The following COLGALT2 variants were observed in gnomAD, a reference collection of about 807,000 sequenced individuals.
The protein encoded by COLGALT2 is collagen beta(1-O)galactosyltransferase 2, also known as procollagen galactosyltransferase 2.
A neutral mutation model predicts 73.4 loss-of-function variants in COLGALT2; 49 were observed. That is an observed-to-expected ratio of 0.67 (90% CI 0.53 to 0.85). The LOEUF (loss-of-function observed/expected upper bound fraction) is 0.85, where lower values mean the gene tolerates loss of function less well. Among genes scored for constraint, COLGALT2 ranks in the 40% least tolerant of loss-of-function variants. The probability of loss-of-function intolerance (pLI) is 0.00; values close to 1 mark genes in which losing one functional copy is unlikely to be tolerated. For synonymous variants in COLGALT2, 295 were observed against 307.6 expected (o/e 0.96, Z 0.43); for missense variants, 722 against 790.2 (o/e 0.91, Z 1.03).
chr1:183,972,851 C>T (rs567527330), intron 4 of COLGALT2, among the ~76,000 whole-genome samples: 4 of 152,328 alleles, frequency 2.6e-5, no homozygotes, highest in South Asian at 4.1e-4. Context: ...AGGCGCCCAA[C>T]ACCACGCCTG....
chr1:183,966,237 T>C (rs543346860), intron 5 of COLGALT2, among the ~76,000 whole-genome samples: 1 of 152,246 alleles, frequency 6.6e-6, no homozygotes, highest in South Asian at 2.1e-4. Context: ...TTAGATAAAG[T>C]CTATGAAAGA....
At chr1:184,002,197 C>T (rs1176361193) in intron 1 of COLGALT2, among the ~76,000 whole-genome samples, 1 of 152,240 alleles carries the variant, frequency 6.6e-6, no homozygotes, top group African/African-American at 2.4e-5. Flanking sequence ...GCTTCTATCA[C>T]CAGCAGGATT....
intron 4 of COLGALT2, among the ~76,000 whole-genome samples, chr1:183,973,156 T>C (rs1406189893): frequency 6.6e-6 from 1 of 152,200 alleles, no homozygotes; most frequent in African/African-American, 2.4e-5. Flanking sequence ...GTTAAGTAAA[T>C]TGGAACATAG....
At chr1:183,951,285 T>A (rs1472521876) in intron 7 of COLGALT2, among the ~76,000 whole-genome samples, 172 bp from the exon 8 acceptor site, 6 of 152,238 alleles carry the variant, frequency 3.9e-5, no homozygotes, top group Non-Finnish European at 7.3e-5. Flanking sequence ...ATGATACTAA[T>A]TCAAACTGAA....
chr1:183,939,764 C>T (rs775181640), intron 11 of COLGALT2, among the ~76,000 whole-genome samples: 1 of 152,038 alleles, frequency 6.6e-6, no homozygotes, highest in Non-Finnish European at 1.5e-5. Flanking sequence ...CATCTAGTGA[C>T]GAGATCACCC....
At chr1:184,013,628 T>C (rs1413521852) in intron 1 of COLGALT2, among the ~76,000 whole-genome samples, 1 of 152,154 alleles carries the variant, frequency 6.6e-6, no homozygotes, top group Non-Finnish European at 1.5e-5. Context: ...TTGCATGCCA[T>C]TCCAAGGTAT....
chr1:184,001,616 A>G (rs1465879360), intron 1 of COLGALT2, among the ~76,000 whole-genome samples: 3 of 152,114 alleles, frequency 2.0e-5, no homozygotes, highest in Non-Finnish European at 2.9e-5. Flanking sequence ...TTAAAGCATC[A>G]TTTTCTTTCA....
intron 1 of COLGALT2, among the ~76,000 whole-genome samples, chr1:183,994,675 A>C (rs1332772588): frequency 6.6e-6 from 1 of 151,360 alleles, no homozygotes; most frequent in Non-Finnish European, 1.5e-5. Flanking sequence ...GGCTGGTCTC[A>C]AACTCCTGAC....
In COLGALT2 at chr1:183,938,104, A is replaced by C; in HGVS notation, c.*657T>G. On this transcript the variant is annotated 3_prime_UTR_variant, in exon 12 of 12. Coordinates refer to ENST00000361927, the MANE Select transcript of COLGALT2 (RefSeq NM_015101.4). ...ATTATATCCACATGGCAAACTGGTC[A>C]CCTCTATATGAGAACTCCAACTGCC... 1 of 985,324 alleles carries C rather than the reference A, an allele frequency of 1.0e-6. No homozygotes were observed. The highest frequency in any genetic ancestry group is 1.2e-6 in the Non-Finnish European group (1 of 829,936). 61.0% of individuals were successfully genotyped at this position (985,324 alleles called of 1,614,324 possible).
Position 183,936,644 on chromosome 1 carries a change from A to G in COLGALT2, c.*2117T>C. On this transcript the variant is annotated 3_prime_UTR_variant, in exon 12 of 12. Coordinates refer to ENST00000361927, the MANE Select transcript of COLGALT2 (RefSeq NM_015101.4). ...AGTCATTAAAGTCATGCACACATGC[A>G]CACACTCAAATATGAAAACAAAAAC... 8.2e-7 allele frequency: 1 copy of G among 1,219,540 alleles called. No individual in the cohort carries two copies. The highest frequency in any genetic ancestry group is 1.0e-6 in the Non-Finnish European group (1 of 980,914). The allele number at this position is 1,219,540 out of a possible 1,614,324, so 75.5% of individuals were successfully genotyped here. A position where few individuals can be genotyped will look rare whatever the true frequency, so the allele number is the denominator to read the frequency against.
chr1:184,037,517 C>T lies in COLGALT2; in HGVS notation c.-160G>A. 8.7e-7 allele frequency: 1 copy of T among 1,153,504 alleles called. No homozygotes were observed. The highest frequency in any genetic ancestry group is 1.1e-6 in the Non-Finnish European group (1 of 939,030). The allele number at this position is 1,153,504 out of a possible 1,614,324, so 71.5% of individuals were successfully genotyped here. On this transcript the variant is annotated 5_prime_UTR_variant, in exon 1 of 12. Coordinates refer to ENST00000361927, the MANE Select transcript of COLGALT2 (RefSeq NM_015101.4). ...GCTCACACACTGGCCTCGGCGGCTG[C>T]GGTTCCCAGGACCCTCCCGCCGCCG...
At chr1:183,978,283 A>G (rs1671259991) in intron 2 of COLGALT2, 127 bp downstream of exon 2, 1 of 569,596 alleles carries the variant, frequency 1.8e-6, no homozygotes, top group South Asian at 2.5e-5. Context: ...GATATTCAGA[A>G]CTCACATAGC....
At chr1:183,972,950 TG>T (rs1208563859) in intron 4 of COLGALT2, among the ~76,000 whole-genome samples, 2 of 152,192 alleles carry the variant, frequency 1.3e-5, no homozygotes, top group Non-Finnish European at 2.9e-5. Context: ...CCGCCCGCCT[TG>T]GCCTCCCAAA....
chr1:183,985,373 A>T (rs1418826174), intron 1 of COLGALT2, among the ~76,000 whole-genome samples: 1 of 152,192 alleles, frequency 6.6e-6, no homozygotes, highest in Non-Finnish European at 1.5e-5. Flanking sequence ...CCCGGGTTCA[A>T]GTGATTGCCC....
intron 6 of COLGALT2, among the ~76,000 whole-genome samples, chr1:183,957,778 G>GTTTT (rs367921171): frequency 3.1e-4 from 37 of 118,908 alleles, no homozygotes; most frequent in African/African-American, 9.5e-4. Context: ...TTTTGTGGTG[G>GTTTT]TTTTTTTTTT....
intron 6 of COLGALT2, among the ~76,000 whole-genome samples, chr1:183,955,663 G>A (rs1670533009): frequency 6.7e-6 from 1 of 148,202 alleles, no homozygotes; most frequent in Admixed American, 6.6e-5. Flanking sequence ...CTTGAAGAAT[G>A]TTTAGTATTA....
At chr1:184,025,556 C>T (rs1281735132) in intron 1 of COLGALT2, among the ~76,000 whole-genome samples, 1 of 152,204 alleles carries the variant, frequency 6.6e-6, no homozygotes, top group Non-Finnish European at 1.5e-5. Context: ...AGGCAACCAT[C>T]TGTGTGCCAA....
chr1:183,973,682 A>T lies in COLGALT2; in HGVS notation c.561T>A (p.Thr187=). 6.2e-7 allele frequency: 1 copy of T among 1,614,086 alleles called. No homozygotes were observed. Among genetic ancestry groups the T allele is most frequent in the Non-Finnish European group, 8.5e-7 (1 of 1,180,004 alleles). The change falls in exon 4 of 12, where the codon ACT becomes ACA. Residue 187 remains threonine, a synonymous_variant. Coordinates refer to ENST00000361927, the MANE Select transcript of COLGALT2 (RefSeq NM_015101.4). ...GAGACTCCAGCATGGGGGCCACAATAGTTTTGTTTTCTGCAATCAGTAGAT... is the reference window on the plus strand; with the variant it reads ...GAGACTCCAGCATGGGGGCCACAATTGTTTTGTTTTCTGCAATCAGTAGAT... ...TLNLLIAENK[T]IVAPMLESRG...
chr1:183,964,169 A>G, intron 5 of COLGALT2, 149 bp from the exon 6 acceptor site: 3 of 697,546 alleles, frequency 4.3e-6, no homozygotes, highest in Non-Finnish European at 6.6e-6. Context: ...TAGACCTAAA[A>G]AATGCTCCTT....
Sources: allele counts gnomAD v4.1 joint callset (sites outside exome capture counted in the v4.1 genomes callset), GRCh38; gene constraint gnomAD v4.1.1; transcripts MANE v1.5; gene names NCBI Gene and HGNC (gene_info 2026-07-23, HGNC 2026-07-21).